Variants in TNKS observed in about 807,000 individuals in gnomAD.
TNKS encodes tankyrase.
A neutral mutation model predicts 135.8 loss-of-function variants in TNKS; 72 were observed. That is an observed-to-expected ratio of 0.53 (90% CI 0.44 to 0.64). TNKS has a LOEUF of 0.64. Among genes scored for constraint, TNKS ranks in the 30% least tolerant of loss-of-function variants. The pLI, the probability that TNKS is intolerant of heterozygous loss-of-function variation, is 0.00. For synonymous variants in TNKS, 849 were observed against 649.3 expected (o/e 1.31, Z -4.68); for missense variants, 1,769 against 1,674.0 (o/e 1.06, Z -0.99).
intron 17 of TNKS, among the ~76,000 whole-genome samples, chr8:9,742,415 T>TA (rs1806014286): frequency 6.6e-6 from 1 of 151,652 alleles, no homozygotes; most frequent in African/African-American, 2.4e-5. Flanking sequence ...TCGCATGACA[T>TA]ACAGTGACTC....
intron 3 of TNKS, among the ~76,000 whole-genome samples, chr8:9,667,469 A>T (rs568944748): frequency 2.4e-4 from 37 of 152,356 alleles, no homozygotes; most frequent in African/African-American, 7.7e-4. Context: ...GGAGTCGCCT[A>T]TTCAGGGATT....
chr8:9,631,572 A>G (rs530648773), intron 3 of TNKS, among the ~76,000 whole-genome samples: 1 of 152,316 alleles, frequency 6.6e-6, no homozygotes, highest in South Asian at 2.1e-4. Flanking sequence ...TATCACAATC[A>G]AATTTGTCTT....
Position 9,770,247 on chromosome 8 carries a change from C to T in TNKS, c.3882C>T (p.Ile1294=), listed in dbSNP as rs1807742569. 1 of 1,612,488 alleles carries T rather than the reference C, an allele frequency of 6.2e-7. No individual in the cohort carries two copies. Among genetic ancestry groups the T allele is most frequent in the Non-Finnish European group, 8.5e-7 (1 of 1,179,310 alleles). Residue 1294 remains isoleucine (I), a synonymous_variant, in exon 26 of 27, where the codon ATC becomes ATT. Coordinates refer to ENST00000310430, the MANE Select transcript of TNKS (RefSeq NM_003747.3). ...VNGLAYAEYV[I]YRGEQAYPEY... is the part of the protein sequence containing the mutation. Reference sequence around the variant, plus strand: ...GGCTGGCATATGCTGAATATGTCATCTACAGAGGAGAACAGGTATGTTACT... The same window carrying T: ...GGCTGGCATATGCTGAATATGTCATTTACAGAGGAGAACAGGTATGTTACT...
chr8:9,640,524 G>A lies in TNKS; in HGVS notation c.994+24847G>A, dbSNP rs990895699. On this transcript the variant is annotated intron_variant, in intron 3 of 26. Transcript: ENST00000310430. ...CAGACTATAATGTGTCTACTGAATA[G>A]GGAAGTAAATAACTATCTGACTGGA... is the stretch of plus-strand genomic sequence containing the variant. 2.7e-5 allele frequency among the ~76,000 whole-genome samples: 4 copies of A among 145,990 alleles called. 1 individual carries two copies. The highest frequency in any genetic ancestry group is 6.0e-5 in the Non-Finnish European group (4 of 66,670).
chr8:9,672,417 T>C (rs1174821381), intron 3 of TNKS, among the ~76,000 whole-genome samples: 1 of 152,026 alleles, frequency 6.6e-6, no homozygotes, highest in African/African-American at 2.4e-5. Flanking sequence ...GTGAAATATA[T>C]GACAGCTGTG....
At chr8:9,556,739 A>C in intron 1 of TNKS, 127 bp downstream of exon 1, 1 of 1,011,102 alleles carries the variant, frequency 9.9e-7, no homozygotes. Context: ...TCACCTCACC[A>C]GAAGACTGGA....
chr8:9,756,633 A>T (rs535796871), intron 20 of TNKS, among the ~76,000 whole-genome samples: 1 of 152,290 alleles, frequency 6.6e-6, no homozygotes, highest in East Asian at 1.9e-4. Flanking sequence ...ACATGTCTAA[A>T]ATCCAACTAA....
chr8:9,689,581 A>G (rs1803165945), intron 5 of TNKS, among the ~76,000 whole-genome samples: 1 of 152,226 alleles, frequency 6.6e-6, no homozygotes, highest in South Asian at 2.1e-4. Context: ...ATCTACTTTC[A>G]GACAGTGTTC....
At chr8:9,615,230 G>C in intron 2 of TNKS, 1 of 167,344 alleles carries the variant, frequency 6.0e-6, no homozygotes, top group South Asian at 1.6e-4. Flanking sequence ...TGGTAGTAAA[G>C]AGAGGGCAGG....
intron 2 of TNKS, among the ~76,000 whole-genome samples, chr8:9,593,049 A>C (rs898545017): frequency 6.6e-5 from 10 of 152,188 alleles, no homozygotes; most frequent in Non-Finnish European, 1.5e-4. Context: ...ATAGTAAAAC[A>C]TTTTTTCTTG....
At chr8:9,600,055 T>A (rs1037215184) in intron 2 of TNKS, among the ~76,000 whole-genome samples, 5 of 152,218 alleles carry the variant, frequency 3.3e-5, no homozygotes, top group African/African-American at 1.2e-4. Flanking sequence ...TAGGCTTGTT[T>A]TGTCCTAACA....
chr8:9,598,711 G>C (rs28649174), intron 2 of TNKS, among the ~76,000 whole-genome samples: 2 of 125,600 alleles, frequency 1.6e-5, no homozygotes, highest in South Asian at 5.4e-4. Context: ...AAATATGTGT[G>C]TGTGTGTGTG....
At position 9,641,738 on chromosome 8, in the gene TNKS, T is replaced by C. The variant is rs1376762295; in HGVS notation, c.994+26061T>C. ...TAATAATGATTTACATAGAACCACC[T>C]GATGGCCAGTTATGATGATATATTA... On this transcript the variant is annotated intron_variant, in intron 3 of 26. Transcript: ENST00000310430. 2.8e-5 allele frequency among the ~76,000 whole-genome samples: 4 copies of C among 144,998 alleles called. 1 individual carries two copies. Among genetic ancestry groups the C allele is most frequent in the African/African-American group, 1.0e-4 (4 of 39,148 alleles).
rs1805479523 is a variant in TNKS, at chr8:9,732,200, T to G, written c.2148-1079T>G. Among the ~76,000 whole-genome samples, 3 of 152,344 alleles carry G rather than the reference T, an allele frequency of 2.0e-5. No individual in the cohort carries two copies. In the South Asian group the frequency reaches 6.2e-4, roughly 32 times the overall value. On this transcript the variant is annotated intron_variant, in intron 14 of 26. Transcript: ENST00000310430. ...TCATCCATCCCAAAGACATCAGTAT[T>G]CCTAGAAGCATAGTTTTATTTTTAC... is the stretch of plus-strand genomic sequence containing the variant.
chr8:9,580,464 G>C, intron 2 of TNKS, 81 bp downstream of exon 2: 1 of 1,263,518 alleles, frequency 7.9e-7, no homozygotes, highest in Admixed American at 2.1e-5. Context: ...TGTTTCCTGA[G>C]AATAGGTAAG....
At chr8:9,710,912 T>C (rs1426704842) in intron 11 of TNKS, among the ~76,000 whole-genome samples, 2 of 152,014 alleles carry the variant, frequency 1.3e-5, no homozygotes, top group African/African-American at 4.8e-5. Flanking sequence ...AAAAATTGTA[T>C]GCCTTCAGAT....
At chr8:9,698,339 A>G (rs897716594) in intron 5 of TNKS, among the ~76,000 whole-genome samples, 9 of 142,936 alleles carry the variant, frequency 6.3e-5, no homozygotes, top group African/African-American at 2.4e-4. Context: ...AAACCTGCAC[A>G]TGGCCCCCTG....
intron 2 of TNKS, among the ~76,000 whole-genome samples, chr8:9,588,684 T>C (rs928849821): frequency 6.6e-6 from 1 of 152,218 alleles, no homozygotes; most frequent in Non-Finnish European, 1.5e-5. Context: ...TTTCTTTCTT[T>C]TCTACCTTTT....
chr8:9,669,998 C>T (rs941984103), intron 3 of TNKS: 3 of 152,146 alleles, frequency 2.0e-5, no homozygotes, highest in African/African-American at 7.2e-5. Context: ...TGACTCAGTG[C>T]AGTTGAACAT....
Sources: allele counts gnomAD v4.1 joint callset (sites outside exome capture counted in the v4.1 genomes callset), GRCh38; gene constraint gnomAD v4.1.1; transcripts MANE v1.5; gene names NCBI Gene and HGNC (gene_info 2026-07-23, HGNC 2026-07-21).